Variants in CCDC180 observed in about 807,000 individuals in gnomAD.
CCDC180 encodes the protein coiled-coil domain containing 180.
Under a neutral mutation model 209.2 loss-of-function variants are expected in CCDC180, and 154 were observed. That is an observed-to-expected ratio of 0.74 (90% CI 0.65 to 0.84). The LOEUF (loss-of-function observed/expected upper bound fraction) is 0.84. CCDC180 is among the 40% of genes least tolerant of loss of function. The probability of loss-of-function intolerance (pLI) is 0.00; values close to 1 mark genes in which losing one functional copy is unlikely to be tolerated. For missense variants in CCDC180, 1,874 were observed against 1,997.3 expected, an observed-to-expected ratio of 0.94 and a Z score of 1.18; for synonymous variants, 778 against 749.1, an observed-to-expected ratio of 1.04 and a Z score of -0.63.
intron 19 of CCDC180, among the ~76,000 whole-genome samples, chr9:97,346,349 G>A (rs1240446908): frequency 6.6e-6 from 1 of 152,120 alleles, no homozygotes; most frequent in Non-Finnish European, 1.5e-5. Context: ...CTGCGATGTT[G>A]TTTCTTGTTA....
intron 22 of CCDC180, among the ~76,000 whole-genome samples, chr9:97,351,941 C>T (rs1301762201): frequency 6.6e-6 from 1 of 152,008 alleles, no homozygotes; most frequent in African/African-American, 2.4e-5. Flanking sequence ...GGAGAAACCC[C>T]GTCTCTACTA....
At chr9:97,367,637 C>T (rs1826965166) in intron 31 of CCDC180, among the ~76,000 whole-genome samples, 1 of 152,036 alleles carries the variant, frequency 6.6e-6, no homozygotes, top group Non-Finnish European at 1.5e-5. Flanking sequence ...CCATGCCTGG[C>T]TAATTTTTGT....
Position 97,330,180 on chromosome 9 carries a change from A to G in CCDC180, c.1815A>G (p.Lys605=). ...EQNLAGEVIF[K]FRQPEAHEKP... is the part of the protein sequence containing the mutation. ...ACTTGGCTGGAGAAGTCATTTTCAA[A>G]TTCAGGCAACCAGGTAACACTTTTT... The change falls in exon 17 of 37, where the codon AAA becomes AAG. Residue 605 remains lysine (K), a synonymous_variant. Coordinates refer to ENST00000529487, the MANE Select transcript of CCDC180 (RefSeq NM_020893.6). 6.2e-7 allele frequency: 1 copy of G among 1,614,002 alleles called. No homozygotes were observed. Among genetic ancestry groups the G allele is most frequent in the South Asian group, 1.1e-5 (1 of 91,076 alleles).
chr9:97,345,543 T>G (rs2118792022), intron 19 of CCDC180: 2 of 411,938 alleles, frequency 4.9e-6, no homozygotes, highest in Non-Finnish European at 4.7e-6. Context: ...TGCCTATTAT[T>G]TTTCTGGTCG....
At chr9:97,327,227 C>T (rs906960727) in intron 15 of CCDC180, among the ~76,000 whole-genome samples, 17 of 152,130 alleles carry the variant, frequency 1.1e-4, no homozygotes, top group African/African-American at 4.1e-4. Flanking sequence ...AAGAAGTTAA[C>T]CACTGCAAAC....
intron 19 of CCDC180, chr9:97,345,741 A>T: frequency 4.3e-6 from 1 of 230,310 alleles, no homozygotes; most frequent in Non-Finnish European, 8.7e-6. Context: ...ACAGAGTGAA[A>T]CTCCGTCTCA....
Position 97,375,565 on chromosome 9 carries a change from G to A in CCDC180, c.4818G>A (p.Val1606=). ...TKTTLGHLAA[V]EARDAVYLKY... ...CCACCCTGGGCCACCTGGCGGCCGT[G>A]GAAGCCCGAGATGCTGTGTACCTGG... The change falls in exon 36 of 37, where the codon GTG becomes GTA. Residue 1606 remains valine (V), a synonymous_variant. Coordinates refer to ENST00000529487, the MANE Select transcript of CCDC180 (RefSeq NM_020893.6). The A allele has an allele frequency of 1.2e-6, 2 of 1,614,240 alleles. No homozygotes were observed. Among genetic ancestry groups the A allele is most frequent in the Non-Finnish European group, 1.7e-6 (2 of 1,180,038 alleles).
chr9:97,326,473 G>GC (rs1431114932), intron 14 of CCDC180, 81 bp from the exon 15 acceptor site: 1 of 822,950 alleles, frequency 1.2e-6, no homozygotes, highest in East Asian at 2.5e-5. Flanking sequence ...AGTTCCAGCA[G>GC]CAGGGTCCCT....
chr9:97,342,037 A>G (rs1404689180), intron 18 of CCDC180, among the ~76,000 whole-genome samples: 1 of 152,252 alleles, frequency 6.6e-6, no homozygotes, highest in East Asian at 1.9e-4. Flanking sequence ...GGAAAAGCAC[A>G]GTGTTTAGGT....
chr9:97,354,339 T>C (rs1303840558), intron 22 of CCDC180, among the ~76,000 whole-genome samples: 1 of 152,192 alleles, frequency 6.6e-6, no homozygotes, highest in African/African-American at 2.4e-5. Context: ...TTTCGAATTT[T>C]GTTTCAGTTG....
At chr9:97,356,010 C>T (rs1042642618) in intron 24 of CCDC180, among the ~76,000 whole-genome samples, 5 of 151,840 alleles carry the variant, frequency 3.3e-5, no homozygotes, top group Non-Finnish European at 5.9e-5. Flanking sequence ...GGCTGCACTT[C>T]GAGGGTGGGG....
At chr9:97,335,646 A>G (rs1300424827) in intron 18 of CCDC180, among the ~76,000 whole-genome samples, 1 of 152,194 alleles carries the variant, frequency 6.6e-6, no homozygotes, top group Admixed American at 6.5e-5. Flanking sequence ...GTACATGTGC[A>G]TGTGTCTTTA....
chr9:97,314,991 CAGGACCAGGA>C (rs1193169542), intron 8 of CCDC180, 45 bp downstream of exon 8: 1 of 1,484,222 alleles, frequency 6.7e-7, no homozygotes. Flanking sequence ...GGAGAAGGGG[CAGGACCAGGA>C]ACCCAGGGCA....
At chr9:97,372,156 A>G (rs1484592984) in intron 34 of CCDC180, 1 of 152,990 alleles carries the variant, frequency 6.5e-6, no homozygotes, top group Non-Finnish European at 1.5e-5. Flanking sequence ...AAAGAGACGA[A>G]GGACAAACAC....
intron 35 of CCDC180, among the ~76,000 whole-genome samples, chr9:97,375,023 A>G (rs1331037376): frequency 1.3e-5 from 2 of 152,226 alleles, no homozygotes; most frequent in Non-Finnish European, 2.9e-5. Context: ...AGAGTTGGCA[A>G]TGTGCCTGTT....
rs765165990 is a variant in CCDC180, at chr9:97,354,646, G to A, written c.3080G>A (p.Arg1027Gln). The part of the protein sequence containing the change: ...LCSRLEKEAA[R>Q]IELVESVIML... Reference sequence around the variant, plus strand: ...TCCCGACTGGAGAAGGAAGCTGCCCGGATAGAGTTGGTTGAAAGTGTCATC... The same window carrying A: ...TCCCGACTGGAGAAGGAAGCTGCCCAGATAGAGTTGGTTGAAAGTGTCATC... The change falls in exon 23 of 37, where the codon CGG becomes CAG. Residue 1027 changes from arginine to glutamine, a missense_variant. Coordinates refer to ENST00000529487, the MANE Select transcript of CCDC180 (RefSeq NM_020893.6). 31 of 1,614,202 alleles carry A rather than the reference G, an allele frequency of 1.9e-5. No homozygotes were observed. The Admixed American group carries it at 2.7e-4, about 14-fold the overall frequency.
chr9:97,338,777 T>A (rs1333661379), intron 18 of CCDC180, among the ~76,000 whole-genome samples: 1 of 152,196 alleles, frequency 6.6e-6, no homozygotes, highest in East Asian at 1.9e-4. Context: ...CTCCCATTAT[T>A]ATTGTGTGGG....
In CCDC180 at chr9:97,349,945, G is replaced by C. The variant is rs146618270; in HGVS notation, c.2856-464G>C. 2.0e-3 allele frequency among the ~76,000 whole-genome samples: 301 copies of C among 152,210 alleles called. 2 individuals carry two copies. Among genetic ancestry groups the C allele is most frequent in the Admixed American group, 4.5e-3 (69 of 15,300 alleles). On this transcript the variant is annotated intron_variant, in intron 21 of 36. Transcript: ENST00000529487. Reference sequence around the variant, plus strand: ...GGTCAGACACAGCCCATTGGAGCAGGGACAAAGATCCAGTAGGATCTTCTG... The same window carrying C: ...GGTCAGACACAGCCCATTGGAGCAGCGACAAAGATCCAGTAGGATCTTCTG...
chr9:97,326,890 G>A (rs1489925073), intron 15 of CCDC180, among the ~76,000 whole-genome samples: 2 of 152,180 alleles, frequency 1.3e-5, no homozygotes, highest in East Asian at 1.9e-4. Context: ...TCAAAGCAAT[G>A]CAGCTTAAGT....
Sources: gnomAD v4.1 joint callset for allele counts (sites outside exome capture counted in the v4.1 genomes callset) on GRCh38, gnomAD v4.1.1 for gene constraint, MANE v1.5 for transcripts, NCBI Gene and HGNC (gene_info 2026-07-23, HGNC 2026-07-21) for gene names.